ELAVL4: variants seen among roughly 807,000 people sequenced by gnomAD.
The protein encoded by ELAVL4 is ELAV-like protein 4.
In ELAVL4, 1 loss-of-function variant was observed where a neutral mutation model predicts 35.6. That is an observed-to-expected ratio of 0.03 (90% CI 0.01 to 0.13). The LOEUF (loss-of-function observed/expected upper bound fraction) is 0.13. Ranked by LOEUF, ELAVL4 falls within the 10% of genes least tolerant of loss-of-function variation. ELAVL4 has a pLI of 1.00. For synonymous variants in ELAVL4, 156 were observed against 171.0 expected, an observed-to-expected ratio of 0.91 and a Z score of 0.69; for missense variants, 267 against 464.9, an observed-to-expected ratio of 0.57 and a Z score of 3.91.
intron 1 of ELAVL4, among the ~76,000 whole-genome samples, chr1:50,134,349 T>C (rs1671542049): frequency 6.6e-6 from 1 of 152,320 alleles, no homozygotes; most frequent in South Asian, 2.1e-4. Flanking sequence ...TGGGCAGTTT[T>C]TCAAATGATT....
At chr1:50,133,996 A>G (rs1462726018) in intron 1 of ELAVL4, among the ~76,000 whole-genome samples, 1 of 152,098 alleles carries the variant, frequency 6.6e-6, no homozygotes, top group Non-Finnish European at 1.5e-5. Flanking sequence ...TCTAGACACA[A>G]ACTCCCTCTA....
chr1:50,057,236 TAAAG>T (rs1039354651), intron 1 of ELAVL4, among the ~76,000 whole-genome samples: 9 of 151,752 alleles, frequency 5.9e-5, no homozygotes, highest in Admixed American at 2.0e-4. Flanking sequence ...GAAAAGGATA[TAAAG>T]AAAGAAAATA....
At position 50,201,111 on chromosome 1, in the gene ELAVL4, A is replaced by G; in HGVS notation, c.1034A>G (p.Asn345Ser). ...GCGGCCATGGCCATCGCCAGCCTCA[A>G]CGGGTACCGCCTGGGAGACAGAGTG... ...DEAAMAIASL[N>S]GYRLGDRVLQ... The change falls in exon 7 of 7, where the codon AAC becomes AGC. Residue 345 changes from asparagine to serine, a missense_variant. Asn to Ser is a conservative substitution (Grantham distance 46, BLOSUM62 1). This residue lies in a region of ELAVL4 where 216 missense variants were observed against 409.5 expected (regional missense o/e 0.53). Transcript: ENST00000371824. The surrounding 1 kb of genome is among the most constrained non-coding windows in gnomAD (Gnocchi z 4.3). The G allele has an allele frequency of 1.2e-6, 2 of 1,613,996 alleles. No individual in the cohort carries two copies. Among genetic ancestry groups the G allele is most frequent in the Non-Finnish European group, 1.7e-6 (2 of 1,179,908 alleles).
chr1:50,158,278 T>C lies in ELAVL4; in HGVS notation c.250+13081T>C, dbSNP rs1412381800. Among the ~76,000 whole-genome samples the C allele has an allele frequency of 3.9e-5, 6 of 152,178 alleles. No individual in the cohort carries two copies. The East Asian group carries it at 7.7e-4, about 20-fold the overall frequency. On this transcript the variant is annotated intron_variant, in intron 2 of 6. Coordinates refer to ENST00000371824, the MANE Select transcript of ELAVL4 (RefSeq NM_001144774.3). ...ATCTTGGATAAGAAAGTAACTTATCTAAGATCACACAGCTTCTAAGTGGCA... is the reference window on the plus strand; with the variant it reads ...ATCTTGGATAAGAAAGTAACTTATCCAAGATCACACAGCTTCTAAGTGGCA...
At chr1:50,073,830 T>C (rs1664640192) in intron 1 of ELAVL4, among the ~76,000 whole-genome samples, 1 of 146,862 alleles carries the variant, frequency 6.8e-6, no homozygotes, top group Non-Finnish European at 1.5e-5. Flanking sequence ...AAAGACTAAG[T>C]GCATAAGAAA....
At chr1:50,165,218 T>A (rs1009180707) in intron 2 of ELAVL4, among the ~76,000 whole-genome samples, 3 of 152,100 alleles carry the variant, frequency 2.0e-5, no homozygotes, top group African/African-American at 7.2e-5. Context: ...TGCTCCAACA[T>A]GCCAAGCACG....
chr1:50,187,387 A>T (rs1252790081), intron 3 of ELAVL4, among the ~76,000 whole-genome samples: 2 of 152,144 alleles, frequency 1.3e-5, no homozygotes, highest in African/African-American at 4.8e-5. Flanking sequence ...TCTTAAATGC[A>T]TTTTCTTGTT....
chr1:50,147,086 A>G (rs1673856148), intron 2 of ELAVL4, among the ~76,000 whole-genome samples: 1 of 152,132 alleles, frequency 6.6e-6, no homozygotes, highest in Non-Finnish European at 1.5e-5. Flanking sequence ...CTCCAGCACA[A>G]GCAGAGACAT....
intron 2 of ELAVL4, among the ~76,000 whole-genome samples, chr1:50,170,888 C>T (rs1440787761): frequency 1.3e-5 from 2 of 152,056 alleles, no homozygotes; most frequent in Admixed American, 1.3e-4. Context: ...ATAAATTTAG[C>T]CAGGTGTGGT....
At chr1:50,089,163 C>A (rs1344426599) in intron 1 of ELAVL4, among the ~76,000 whole-genome samples, 2 of 152,104 alleles carry the variant, frequency 1.3e-5, no homozygotes, top group Non-Finnish European at 2.9e-5. Context: ...TTGTAGAATT[C>A]TCAATGTAGC....
At chr1:50,103,833 G>C, upstream of ELAVL4, 1 of 1,445,444 alleles carries the variant, frequency 6.9e-7, no homozygotes, top group East Asian at 2.5e-5. Flanking sequence ...GGCAAGAAGA[G>C]GTAATCCAGA....
At chr1:50,061,308 T>A (rs1217252030) in intron 1 of ELAVL4, among the ~76,000 whole-genome samples, 1 of 152,238 alleles carries the variant, frequency 6.6e-6, no homozygotes, top group Non-Finnish European at 1.5e-5. Context: ...AGGCAAGGCA[T>A]GTACTCTCCA....
intron 1 of ELAVL4, among the ~76,000 whole-genome samples, chr1:50,071,939 T>A (rs1209139258): frequency 6.6e-6 from 1 of 152,178 alleles, no homozygotes. Context: ...GCATATAAAG[T>A]GCTTGGCATC....
intron 2 of ELAVL4, among the ~76,000 whole-genome samples, chr1:50,154,752 TTGTGTG>T (rs35896145): frequency 1.2e-4 from 18 of 147,322 alleles, no homozygotes; most frequent in South Asian, 4.4e-4. Flanking sequence ...TTGTTATATT[TTGTGTG>T]TGTGTGTGTG....
upstream of ELAVL4, among the ~76,000 whole-genome samples, chr1:50,103,259 A>T (rs1310514126): frequency 6.6e-6 from 1 of 152,216 alleles, no homozygotes; most frequent in East Asian, 1.9e-4. Flanking sequence ...GTAGTAGACA[A>T]AACTACTTAG....
At chr1:50,098,740 A>C (rs752072663) in intron 1 of ELAVL4, among the ~76,000 whole-genome samples, 77 of 152,186 alleles carry the variant, frequency 5.1e-4, no homozygotes, top group Non-Finnish European at 8.1e-4. Flanking sequence ...AGAGGGGAAG[A>C]ACTAAAAAGG....
intron 3 of ELAVL4, chr1:50,181,053 G>T (rs1202688054): frequency 6.6e-6 from 1 of 152,102 alleles, no homozygotes; most frequent in Non-Finnish European, 1.5e-5. Context: ...TACAGGTGAG[G>T]AAACTGAGGC....
At chr1:50,181,963 G>A (rs1179850642) in intron 3 of ELAVL4, among the ~76,000 whole-genome samples, 2 of 152,160 alleles carry the variant, frequency 1.3e-5, no homozygotes, top group African/African-American at 2.4e-5. Flanking sequence ...GATTACAGGC[G>A]TGAGCCACCG....
At chr1:50,076,977 A>G (rs1346585173) in intron 1 of ELAVL4, among the ~76,000 whole-genome samples, 3 of 151,808 alleles carry the variant, frequency 2.0e-5, no homozygotes, top group Non-Finnish European at 4.4e-5. Flanking sequence ...GGTACTTCCT[A>G]TTATATTTGT....
Sources: allele counts gnomAD v4.1 joint callset (sites outside exome capture counted in the v4.1 genomes callset), GRCh38; gene constraint gnomAD v4.1.1; regional missense constraint gnomAD v4.1.1; non-coding constraint Gnocchi (gnomAD v3.1); transcripts MANE v1.5; gene names NCBI Gene and HGNC (gene_info 2026-07-23, HGNC 2026-07-21).